The following C2orf49 variants were observed in gnomAD, a reference collection of about 807,000 sequenced individuals.
C2orf49 encodes tRNA splicing ligase complex subunit 2.
C2orf49 carries 11 observed loss-of-function variants against 20.6 expected under a neutral mutation model. That is an observed-to-expected ratio of 0.53 (90% CI 0.34 to 0.88). The LOEUF is 0.88. C2orf49 is among the 40% of genes least tolerant of loss of function. C2orf49 has a pLI of 0.02. For missense variants in C2orf49, 289 were observed against 274.2 expected (o/e 1.05, Z -0.38); for synonymous variants, 134 against 108.5 (o/e 1.24, Z -1.46).
At chr2:105,363,200 G>GAT in the C2orf49 span, 1 of 1,344,554 alleles carries the variant, frequency 7.4e-7, no homozygotes, top group African/African-American at 1.4e-5. Context: ...GGAGTTGAGG[G>GAT]ATATAGACAG....
intron 1 of C2orf49, among the ~76,000 whole-genome samples, chr2:105,339,171 A>G (rs543256571): frequency 2.9e-4 from 44 of 152,366 alleles, no homozygotes; most frequent in South Asian, 6.2e-4. Flanking sequence ...CCTTCATCCC[A>G]CTAATCTGAT....
At chr2:105,383,102 T>C in the C2orf49 span, among the ~76,000 whole-genome samples, 1 of 152,192 alleles carries the variant, frequency 6.6e-6, no homozygotes, top group Non-Finnish European at 1.5e-5. Flanking sequence ...GCCAGGCTGG[T>C]CTCCAGCTCC....
At chr2:105,339,093 T>C (rs576821524) in intron 1 of C2orf49, among the ~76,000 whole-genome samples, 1 of 152,244 alleles carries the variant, frequency 6.6e-6, no homozygotes, top group Non-Finnish European at 1.5e-5. Flanking sequence ...ATTTGAAATC[T>C]TGGTAGTTAA....
rs746516045 is a variant in C2orf49, at chr2:105,342,902, T to C, written c.321T>C (p.Ser107=). 1 of 1,614,180 alleles carries C rather than the reference T, an allele frequency of 6.2e-7. No individual in the cohort carries two copies. The highest frequency in any genetic ancestry group is 8.5e-7 in the Non-Finnish European group (1 of 1,180,030). The change falls in exon 3 of 4, where the codon AGT becomes AGC. Residue 107 remains serine, a synonymous_variant. Transcript: ENST00000258457. Reference sequence around the variant, plus strand: ...GACCCCTCATCGTATTTGATGGAAGTTCAACAAGTACAAGCATAAAAGTGA... The same window carrying C: ...GACCCCTCATCGTATTTGATGGAAGCTCAACAAGTACAAGCATAAAAGTGA... ...RKRPLIVFDG[S]STSTSIKVKK... is the part of the protein sequence containing the mutation.
At chr2:105,339,197 C>T (rs1202442926) in intron 1 of C2orf49, among the ~76,000 whole-genome samples, 1 of 152,248 alleles carries the variant, frequency 6.6e-6, no homozygotes, top group African/African-American at 2.4e-5. Context: ...TAGTAACACT[C>T]AAGGTAGCTT....
downstream of C2orf49, among the ~76,000 whole-genome samples, chr2:105,351,615 C>T (rs182409040): frequency 3.9e-5 from 6 of 152,260 alleles, no homozygotes; most frequent in African/African-American, 9.6e-5. Context: ...TCTTTCAGTT[C>T]GCTCCCGTTT....
the C2orf49 span, chr2:105,361,423 T>C: frequency 1.2e-6 from 2 of 1,614,012 alleles, no homozygotes; most frequent in Non-Finnish European, 8.5e-7. Context: ...ATGTATTTTG[T>C]GCCACCAAGT....
Position 105,345,559 on chromosome 2 carries a change from T to A in C2orf49, c.*188T>A, listed in dbSNP as rs1374956031. On this transcript the variant is annotated 3_prime_UTR_variant, in exon 4 of 4. Transcript: ENST00000258457. ...TCCCTCCCTTCCTTTTTTAAAATTCTTGCCTGTCTTGCCCTGATTAGGAAA... is the reference window on the plus strand; with the variant it reads ...TCCCTCCCTTCCTTTTTTAAAATTCATGCCTGTCTTGCCCTGATTAGGAAA... 1 of 611,458 alleles carries A rather than the reference T, an allele frequency of 1.6e-6. No individual in the cohort carries two copies. Among genetic ancestry groups the A allele is most frequent in the East Asian group, 2.8e-5 (1 of 35,528 alleles). The allele number at this position is 611,458 out of a possible 1,614,324, so 37.9% of individuals were successfully genotyped here.
chr2:105,371,678 C>T, the C2orf49 span, among the ~76,000 whole-genome samples: 3 of 152,054 alleles, frequency 2.0e-5, no homozygotes, highest in Non-Finnish European at 4.4e-5. Flanking sequence ...ATTCAAAATC[C>T]GGGAAATATG....
chr2:105,359,149 TGGA>T, the C2orf49 span: 1 of 152,210 alleles, frequency 6.6e-6, no homozygotes, highest in Non-Finnish European at 1.5e-5. Flanking sequence ...ACTGTTAATT[TGGA>T]GGAGAATTAG....
In C2orf49 at chr2:105,339,697, A is replaced by G. The variant is rs765886202; in HGVS notation, c.214A>G (p.Lys72Glu). 4 of 1,605,748 alleles carry G rather than the reference A, an allele frequency of 2.5e-6. No homozygotes were observed. The highest frequency in any genetic ancestry group is 2.3e-5 in the South Asian group (2 of 88,732). Residue 72 changes from lysine to glutamate, a missense_variant, in exon 2 of 4, where the codon AAA (lysine) becomes GAA (glutamate). Physicochemically the swap from Lys to Glu is moderately conservative, Grantham distance 56 (BLOSUM62 1). Transcript: ENST00000258457. The stretch of plus-strand genomic sequence containing the variant: ...GGATTTGCCGAAGAATAGATGGGGG[A>G]AAATGATGGAAAAGAAAAGAGAACA... Reference protein sequence around the residue: ...QRDLPKNRWGKMMEKKREQHE... With the variant: ...QRDLPKNRWGEMMEKKREQHE...
At chr2:105,375,092 C>T in the C2orf49 span, among the ~76,000 whole-genome samples, 2 of 152,104 alleles carry the variant, frequency 1.3e-5, no homozygotes, top group East Asian at 1.9e-4. Context: ...CCAGCTAACT[C>T]GGAACCAAAA....
chr2:105,385,244 C>T, the C2orf49 span, among the ~76,000 whole-genome samples: 2 of 152,172 alleles, frequency 1.3e-5, no homozygotes, highest in Non-Finnish European at 2.9e-5. Context: ...GGAAACCATC[C>T]CTCAACTGTC....
At chr2:105,366,217 GA>G in the C2orf49 span, among the ~76,000 whole-genome samples, 32 of 140,606 alleles carry the variant, frequency 2.3e-4, no homozygotes, top group East Asian at 6.2e-4. Context: ...CTCAAAAAAA[GA>G]AAAAAAAAAA....
chr2:105,363,186 C>G, the C2orf49 span: 1 of 1,161,086 alleles, frequency 8.6e-7, no homozygotes, highest in Non-Finnish European at 1.2e-6. Flanking sequence ...TTAGGGAGGT[C>G]TGGGGAGTTG....
At chr2:105,353,049 G>A (rs1423363349), downstream of C2orf49, among the ~76,000 whole-genome samples, 1 of 152,160 alleles carries the variant, frequency 6.6e-6, no homozygotes, top group Non-Finnish European at 1.5e-5. Flanking sequence ...ACTGGCACCT[G>A]GTGAGGGTTA....
chr2:105,345,447 C>T lies in C2orf49; in HGVS notation c.*76C>T. 5.3e-6 allele frequency: 6 copies of T among 1,132,402 alleles called. No individual in the cohort carries two copies. The highest frequency in any genetic ancestry group is 7.8e-6 in the Non-Finnish European group (6 of 773,806). 70.1% of individuals were successfully genotyped at this position (1,132,402 alleles called of 1,614,324 possible). ...TGTTCATATATATTGACAATATTTA[C>T]AGAAATCCTGATTATTGTGGAATTT... On this transcript the variant is annotated 3_prime_UTR_variant, in exon 4 of 4. Transcript: ENST00000258457.
the C2orf49 span, among the ~76,000 whole-genome samples, chr2:105,366,890 C>T: frequency 2.6e-5 from 4 of 152,132 alleles, no homozygotes; most frequent in Admixed American, 6.5e-5. Context: ...GGACTACAGG[C>T]GTGTGCCACC....
At chr2:105,378,912 G>C in the C2orf49 span, 1 of 152,224 alleles carries the variant, frequency 6.6e-6, no homozygotes, top group Non-Finnish European at 1.5e-5. Context: ...GCAGTACAGG[G>C]TGGTGGGCTT....
Sources: allele counts gnomAD v4.1 joint callset (sites outside exome capture counted in the v4.1 genomes callset), GRCh38; gene constraint gnomAD v4.1.1; transcripts MANE v1.5; gene names NCBI Gene and HGNC (gene_info 2026-07-23, HGNC 2026-07-21).